Variants in CSMD1 observed in about 807,000 individuals in gnomAD.
CSMD1 encodes CUB and sushi domain-containing protein 1.
In CSMD1, 213 loss-of-function variants were observed where a neutral mutation model predicts 417.5. The ratio of observed to expected loss-of-function variants is 0.51; its 90% CI spans 0.46 to 0.57. The LOEUF (loss-of-function observed/expected upper bound fraction) is 0.57. CSMD1 is among the 20% of genes least tolerant of loss of function. The pLI is 0.00. For missense variants in CSMD1, 6,923 were observed against 4,529.7 expected (o/e 1.53, Z -15.17); for synonymous variants, 2,862 against 1,736.8 (o/e 1.65, Z -16.11).
At chr8:3,133,079 G>A (rs1245459894) in intron 41 of CSMD1, among the ~76,000 whole-genome samples, 1 of 152,198 alleles carries the variant, frequency 6.6e-6, no homozygotes, top group Non-Finnish European at 1.5e-5. Flanking sequence ...GCCCAGCTCT[G>A]CGTGAGCCTG....
chr8:4,366,987 C>A (rs1243220449), intron 3 of CSMD1, among the ~76,000 whole-genome samples: 1 of 152,142 alleles, frequency 6.6e-6, no homozygotes, highest in Non-Finnish European at 1.5e-5. Context: ...TTCTCCCATT[C>A]TGGAGGTTGT....
At chr8:4,073,128 G>T (rs370097800) in intron 3 of CSMD1, among the ~76,000 whole-genome samples, 1 of 152,024 alleles carries the variant, frequency 6.6e-6, no homozygotes. Context: ...TCTAGAAATT[G>T]GCAGAACATG....
At chr8:4,034,615 G>C (rs1030393861) in intron 3 of CSMD1, among the ~76,000 whole-genome samples, 12 of 152,262 alleles carry the variant, frequency 7.9e-5, no homozygotes, top group Admixed American at 3.3e-4. Context: ...TGAGCCGAGA[G>C]CTCTTACAGT....
intron 41 of CSMD1, among the ~76,000 whole-genome samples, chr8:3,129,169 G>T (rs1817663041): frequency 6.6e-6 from 1 of 152,108 alleles, no homozygotes; most frequent in South Asian, 2.1e-4. Flanking sequence ...GGGAATGCAG[G>T]ACAAATATTT....
intron 46 of CSMD1, among the ~76,000 whole-genome samples, chr8:3,099,232 G>T (rs758445400): frequency 3.3e-5 from 5 of 152,026 alleles, no homozygotes; most frequent in Non-Finnish European, 7.4e-5. Flanking sequence ...GGAGGTCGTG[G>T]GAAGCATAAA....
In CSMD1 at chr8:4,454,068, C is replaced by G. The variant is rs576268018; in HGVS notation, c.303-34003G>C. Reference sequence around the variant, plus strand: ...CGATCTCCTGACCTCGTGATCCGCCCGCCTCGGCCTCCCTAAGTGCTGGGA... The same window carrying G: ...CGATCTCCTGACCTCGTGATCCGCCGGCCTCGGCCTCCCTAAGTGCTGGGA... On this transcript the variant is annotated intron_variant, in intron 2 of 69. Transcript: ENST00000635120. 3.9e-5 allele frequency among the ~76,000 whole-genome samples: 6 copies of G among 151,960 alleles called. No individual in the cohort carries two copies. The East Asian group carries it at 5.8e-4, about 15-fold the overall frequency.
chr8:3,972,278 A>C (rs973449157), intron 5 of CSMD1, among the ~76,000 whole-genome samples: 1 of 152,198 alleles, frequency 6.6e-6, no homozygotes, highest in East Asian at 1.9e-4. Flanking sequence ...TTTTATAAGT[A>C]CTAGATACAT....
intron 5 of CSMD1, among the ~76,000 whole-genome samples, chr8:3,947,866 T>A (rs530792500): frequency 1.1e-4 from 17 of 152,282 alleles, no homozygotes; most frequent in African/African-American, 4.1e-4. Context: ...CCACAGCCTT[T>A]TCAACTTATG....
At chr8:3,497,935 T>G (rs774082785) in intron 10 of CSMD1, among the ~76,000 whole-genome samples, 4 of 152,214 alleles carry the variant, frequency 2.6e-5, no homozygotes, top group Non-Finnish European at 5.9e-5. Flanking sequence ...TTATCACCCT[T>G]TCACTTTCAG....
chr8:3,274,321 A>G (rs1009781413), intron 26 of CSMD1, among the ~76,000 whole-genome samples: 3 of 151,900 alleles, frequency 2.0e-5, no homozygotes, highest in Non-Finnish European at 2.9e-5. Flanking sequence ...GTTCTTTTAT[A>G]TTTGCTGAGG....
At chr8:3,219,557 G>C in intron 28 of CSMD1, 115 bp from the exon 29 acceptor site, 1 of 708,030 alleles carries the variant, frequency 1.4e-6, no homozygotes, top group Non-Finnish European at 2.2e-6. Flanking sequence ...TGATTTTTCA[G>C]TTAGGGCAAT....
intron 3 of CSMD1, among the ~76,000 whole-genome samples, chr8:4,161,179 G>C (rs1303191671): frequency 1.3e-5 from 2 of 151,872 alleles, no homozygotes; most frequent in South Asian, 2.1e-4. Context: ...TGAAGTACTT[G>C]CAATGTGCTA....
chr8:4,378,036 C>A (rs1024252200), intron 3 of CSMD1, among the ~76,000 whole-genome samples: 1 of 152,150 alleles, frequency 6.6e-6, no homozygotes, highest in Non-Finnish European at 1.5e-5. Flanking sequence ...CTCTAATATA[C>A]AGGTAAGTGT....
At chr8:3,212,406 T>C (rs2116803706) in intron 30 of CSMD1, among the ~76,000 whole-genome samples, 1 of 152,270 alleles carries the variant, frequency 6.6e-6, no homozygotes, top group East Asian at 1.9e-4. Flanking sequence ...TATAGTGCAG[T>C]GGAGCAATCT....
chr8:4,495,366 G>C (rs1801926640), intron 2 of CSMD1, among the ~76,000 whole-genome samples: 1 of 152,114 alleles, frequency 6.6e-6, no homozygotes, highest in Non-Finnish European at 1.5e-5. Context: ...ACGAAGTCAA[G>C]GGTTCGAGAC....
intron 1 of CSMD1, among the ~76,000 whole-genome samples, chr8:4,944,827 C>T (rs79484388): frequency 0.026 from 3,974 of 152,032 alleles, 162 homozygotes; most frequent in East Asian, 0.15. Context: ...GTGGTGGCTA[C>T]TGTGAAAAAC....
chr8:4,028,709 T>G (rs1797189517), intron 4 of CSMD1, among the ~76,000 whole-genome samples: 1 of 152,208 alleles, frequency 6.6e-6, no homozygotes, highest in Non-Finnish European at 1.5e-5. Context: ...ACTCTATTTC[T>G]TTACCTTTTA....
chr8:3,762,311 C>T (rs1015067317), intron 5 of CSMD1, among the ~76,000 whole-genome samples: 2 of 152,108 alleles, frequency 1.3e-5, no homozygotes, highest in Non-Finnish European at 2.9e-5. Context: ...CCTGCCTGGT[C>T]GTTTCTGGCT....
chr8:4,535,053 G>C (rs562284544), intron 2 of CSMD1, among the ~76,000 whole-genome samples: 2 of 152,138 alleles, frequency 1.3e-5, no homozygotes, highest in African/African-American at 4.8e-5. Context: ...GAGCCACCAC[G>C]CCTGGCCAAT....
Sources: allele counts gnomAD v4.1 joint callset (sites outside exome capture counted in the v4.1 genomes callset), GRCh38; gene constraint gnomAD v4.1.1; transcripts MANE v1.5; gene names NCBI Gene and HGNC (gene_info 2026-07-23, HGNC 2026-07-21).